PITPNC1: variants seen among roughly 807,000 people sequenced by gnomAD.
PITPNC1 encodes the protein cytoplasmic phosphatidylinositol transfer protein 1.
In PITPNC1, 18 loss-of-function variants were observed where a neutral mutation model predicts 44.7. The ratio of observed to expected loss-of-function variants is 0.40; its 90% confidence interval spans 0.28 to 0.60. The LOEUF (loss-of-function observed/expected upper bound fraction) is 0.60. Ranked by LOEUF, PITPNC1 falls within the 20% of genes least tolerant of loss-of-function variation. PITPNC1 has a pLI of 0.39. For missense variants in PITPNC1, 290 were observed against 418.4 expected (o/e 0.69, Z 2.68); for synonymous variants, 141 against 149.6 (o/e 0.94, Z 0.42).
intron 1 of PITPNC1, among the ~76,000 whole-genome samples, chr17:67,418,087 C>T (rs1415794809): frequency 3.3e-5 from 5 of 152,084 alleles, no homozygotes; most frequent in African/African-American, 4.8e-5. Flanking sequence ...AATATTCTTT[C>T]CTTGGGAAAT....
intron 2 of PITPNC1, 150 bp from the exon 3 acceptor site, chr17:67,552,107 A>G (rs986560249): frequency 1.6e-6 from 1 of 614,402 alleles, no homozygotes; most frequent in African/African-American, 1.8e-5. Context: ...AACTATGACA[A>G]AGACCGAAGA....
At chr17:67,432,427 G>A (rs1191398057) in intron 1 of PITPNC1, among the ~76,000 whole-genome samples, 2 of 152,094 alleles carry the variant, frequency 1.3e-5, no homozygotes, top group Non-Finnish European at 2.9e-5. Flanking sequence ...GGTGGAGCTT[G>A]CAGTGAGCCG....
At chr17:67,423,928 C>T (rs756750733) in intron 1 of PITPNC1, among the ~76,000 whole-genome samples, 2 of 152,012 alleles carry the variant, frequency 1.3e-5, no homozygotes. Context: ...AAGTAGATTT[C>T]TTGCAGTCCT....
chr17:67,494,183 CTTTTT>C (rs2039901796), intron 1 of PITPNC1, among the ~76,000 whole-genome samples: 1 of 39,508 alleles, frequency 2.5e-5, no homozygotes, highest in African/African-American at 1.2e-4. Flanking sequence ...TTCTTTCTTT[CTTTTT>C]CTTTCTTTCT....
chr17:67,474,478 C>T (rs1035900329), intron 1 of PITPNC1, among the ~76,000 whole-genome samples: 3 of 152,014 alleles, frequency 2.0e-5, no homozygotes, highest in Non-Finnish European at 2.9e-5. Flanking sequence ...CAGGCTGTGT[C>T]GCAGCATCCC....
At chr17:67,452,355 G>C (rs2039192509) in intron 1 of PITPNC1, among the ~76,000 whole-genome samples, 1 of 151,716 alleles carries the variant, frequency 6.6e-6, no homozygotes, top group Admixed American at 6.6e-5. Context: ...CCATTATAGG[G>C]ATGTACCACA....
chr17:67,420,258 C>T (rs1598639071), intron 1 of PITPNC1, among the ~76,000 whole-genome samples: 1 of 152,110 alleles, frequency 6.6e-6, no homozygotes, highest in African/African-American at 2.4e-5. Context: ...CTGGGTACAG[C>T]AAGAAGCACT....
At chr17:67,509,605 G>A (rs557883539) in intron 1 of PITPNC1, among the ~76,000 whole-genome samples, 2 of 142,692 alleles carry the variant, frequency 1.4e-5, no homozygotes, top group African/African-American at 2.6e-5. Flanking sequence ...TAAATAAAAC[G>A]TGTTCAACCG....
chr17:67,467,577 A>G (rs1598705729), intron 1 of PITPNC1, among the ~76,000 whole-genome samples: 1 of 152,112 alleles, frequency 6.6e-6, no homozygotes, highest in South Asian at 2.1e-4. Context: ...ATTGCTTTCT[A>G]GCTATACTAA....
chr17:67,446,298 T>C (rs765284006), intron 1 of PITPNC1, among the ~76,000 whole-genome samples: 2 of 151,862 alleles, frequency 1.3e-5, no homozygotes, highest in Non-Finnish European at 2.9e-5. Flanking sequence ...CAAGTGGTAG[T>C]GTGCTCCGTA....
intron 5 of PITPNC1, among the ~76,000 whole-genome samples, chr17:67,621,601 T>C (rs1224299822): frequency 6.6e-6 from 1 of 152,192 alleles, no homozygotes; most frequent in East Asian, 1.9e-4. Flanking sequence ...CACAAAATCA[T>C]AGCCCCTTTG....
intron 4 of PITPNC1, among the ~76,000 whole-genome samples, chr17:67,575,821 TC>T (rs1219096077): frequency 2.2e-4 from 16 of 72,152 alleles, no homozygotes; most frequent in African/African-American, 7.7e-4. Context: ...TTTCTTTCTT[TC>T]CTTCCTTCCT....
Position 67,608,490 on chromosome 17 carries a change from G to C in PITPNC1, c.367-23653G>C, listed in dbSNP as rs113941184. The stretch of plus-strand genomic sequence containing the variant: ...CTCTTTAATCTGGAGCTGTTTCTCA[G>C]CTTTTTTTTTTTTTTTTGAGACAGA... On this transcript the variant is annotated intron_variant, in intron 5 of 8. Coordinates refer to ENST00000581322, the MANE Select transcript of PITPNC1 (RefSeq NM_012417.4). 1.6e-4 allele frequency among the ~76,000 whole-genome samples: 21 copies of C among 129,470 alleles called. 1 individual carries two copies. Among genetic ancestry groups the C allele is most frequent in the Non-Finnish European group, 1.3e-4 (8 of 61,682 alleles). The allele number at this position is 129,470 out of a possible 152,430, so 84.9% of individuals were successfully genotyped here. A position where few individuals can be genotyped will look rare whatever the true frequency, so the allele number is the denominator to read the frequency against.
intron 6 of PITPNC1, among the ~76,000 whole-genome samples, chr17:67,650,595 T>C (rs904792020): frequency 2.6e-5 from 4 of 151,890 alleles, no homozygotes; most frequent in African/African-American, 7.3e-5. Context: ...ACTACAGGCA[T>C]GCGCCACCAT....
chr17:67,480,607 C>T (rs914099590), intron 1 of PITPNC1, among the ~76,000 whole-genome samples: 1 of 151,798 alleles, frequency 6.6e-6, no homozygotes, highest in East Asian at 1.9e-4. Context: ...GTCTATAAAC[C>T]GATATGGCTT....
In PITPNC1 at chr17:67,409,541, T is replaced by G. The variant is rs188060643; in HGVS notation, c.48+31339T>G. On this transcript the variant is annotated intron_variant, in intron 1 of 8. Coordinates refer to ENST00000581322, the MANE Select transcript of PITPNC1 (RefSeq NM_012417.4). ...AACTACAAATCATTTCTTTTTTTTT[T>G]TTGGTGGTGGTGGCGGGGCGGAGTT... 1.3e-4 allele frequency among the ~76,000 whole-genome samples: 20 copies of G among 152,266 alleles called. 1 individual carries two copies. Among genetic ancestry groups the G allele is most frequent in the Middle Eastern group, 6.8e-3 (2 of 292 alleles).
chr17:67,652,221 A>G (rs751291120), intron 6 of PITPNC1, among the ~76,000 whole-genome samples: 1 of 152,200 alleles, frequency 6.6e-6, no homozygotes, highest in Non-Finnish European at 1.5e-5. Context: ...AACGTCAGCT[A>G]ATAAGATTGC....
chr17:67,487,884 AC>A (rs1232668153), intron 1 of PITPNC1, among the ~76,000 whole-genome samples: 1 of 152,132 alleles, frequency 6.6e-6, no homozygotes, highest in Non-Finnish European at 1.5e-5. Flanking sequence ...CGCATCTTAT[AC>A]CCTGTATAGG....
chr17:67,663,141 A>G (rs1487169539), intron 6 of PITPNC1, among the ~76,000 whole-genome samples: 1 of 152,168 alleles, frequency 6.6e-6, no homozygotes, highest in African/African-American at 2.4e-5. Context: ...TTCTTATGGC[A>G]CAGTAATATT....
Sources: allele counts gnomAD v4.1 joint callset (sites outside exome capture counted in the v4.1 genomes callset), GRCh38; gene constraint gnomAD v4.1.1; transcripts MANE v1.5; gene names NCBI Gene and HGNC (gene_info 2026-07-23, HGNC 2026-07-21).